The following PTK7 variants were observed in gnomAD, a reference collection of about 807,000 sequenced individuals.
PTK7 encodes protein tyrosine kinase 7 (inactive), also known as inactive tyrosine-protein kinase 7.
In PTK7, 39 loss-of-function variants were observed where a neutral mutation model predicts 116.6. The ratio of observed to expected loss-of-function variants is 0.33; its 90% CI spans 0.26 to 0.44. The LOEUF is 0.44. PTK7 is among the 20% of genes least tolerant of loss of function. The pLI is 1.00. For missense variants in PTK7, 1,169 were observed against 1,425.6 expected (o/e 0.82, Z 2.90); for synonymous variants, 546 against 563.6 (o/e 0.97, Z 0.44).
At chr6:43,150,787 CTTTTTT>C (rs1176963526) in intron 17 of PTK7, among the ~76,000 whole-genome samples, 12 of 60,742 alleles carry the variant, frequency 2.0e-4, no homozygotes, top group African/African-American at 7.7e-4. Flanking sequence ...GTAGACTCAG[CTTTTTT>C]TTTTTTTTTT....
At chr6:43,130,196 C>T (rs535860712) in intron 3 of PTK7, 34 bp from the exon 4 acceptor site, 3 of 1,537,188 alleles carry the variant, frequency 2.0e-6, no homozygotes, top group Admixed American at 1.9e-5. Flanking sequence ...CTGAGTACCC[C>T]TCCCCACCAC....
intron 1 of PTK7, among the ~76,000 whole-genome samples, chr6:43,109,997 C>CTTTTTT (rs35351540): frequency 9.1e-6 from 1 of 109,620 alleles, no homozygotes; most frequent in Non-Finnish European, 1.8e-5. Context: ...CATGCCCGGC[C>CTTTTTT]TTTTTTTTTT....
At position 43,144,434 on chromosome 6, in the gene PTK7, G is replaced by T; in HGVS notation, c.2252-17G>T. ...TGTCAGGTCTCATCGTGACGCTCTT[G>T]TCCTCCTCCTTCCCAGGTGGGCCTT... is the stretch of plus-strand genomic sequence containing the variant. On this transcript the variant is annotated splice_polypyrimidine_tract_variant and intron_variant, in intron 14 of 19. Transcript: ENST00000230419. 1 of 1,614,050 alleles carries T rather than the reference G, an allele frequency of 6.2e-7. No individual in the cohort carries two copies. Among genetic ancestry groups the T allele is most frequent in the Non-Finnish European group, 8.5e-7 (1 of 1,180,020 alleles).
At chr6:43,138,399 C>T (rs982524497) in intron 7 of PTK7, among the ~76,000 whole-genome samples, 6 of 151,974 alleles carry the variant, frequency 3.9e-5, no homozygotes, top group Non-Finnish European at 7.4e-5. Context: ...TGCTGGTGGC[C>T]GGGCGTGGTG....
At chr6:43,085,789 C>T (rs1306129396) in intron 1 of PTK7, among the ~76,000 whole-genome samples, 2 of 151,680 alleles carry the variant, frequency 1.3e-5, no homozygotes, top group African/African-American at 2.4e-5. Flanking sequence ...TAAAATTAGC[C>T]GGGTGTGGTG....
chr6:43,139,473 G>C lies in PTK7; in HGVS notation c.1566G>C (p.Val522=). 1 of 1,614,234 alleles carries C rather than the reference G, an allele frequency of 6.2e-7. No individual in the cohort carries two copies. Among genetic ancestry groups the C allele is most frequent in the Non-Finnish European group, 8.5e-7 (1 of 1,180,044 alleles). ...TGGAGTTTGACAAGGAGGCCACGGT[G>C]CCCTGTTCAGCCACAGGCCGAGAGA... The part of the protein sequence containing the change: ...QCMEFDKEAT[V]PCSATGREKP... Residue 522 remains valine, a synonymous_variant, in exon 10 of 20, where the codon GTG becomes GTC. Coordinates refer to ENST00000230419, the MANE Select transcript of PTK7 (RefSeq NM_002821.5). The surrounding 1 kb of genome is among the most constrained non-coding windows in gnomAD (Gnocchi z 4.6).
At chr6:43,138,702 C>A in intron 7 of PTK7, 147 bp from the exon 8 acceptor site, 1 of 1,167,460 alleles carries the variant, frequency 8.6e-7, no homozygotes, top group African/African-American at 1.5e-5. Context: ...GCACCTGGGT[C>A]TTCCGTAAAG....
intron 1 of PTK7, among the ~76,000 whole-genome samples, chr6:43,099,487 G>A (rs1427042834): frequency 6.6e-6 from 1 of 152,030 alleles, no homozygotes; most frequent in Non-Finnish European, 1.5e-5. Flanking sequence ...TGCCCAAAGT[G>A]ATGGGATTAC....
intron 17 of PTK7, among the ~76,000 whole-genome samples, chr6:43,154,676 G>T (rs1341591207): frequency 6.6e-6 from 1 of 152,206 alleles, no homozygotes; most frequent in African/African-American, 2.4e-5. Context: ...ACTGGCCACT[G>T]CCCAAGAAAA....
At chr6:43,105,088 G>A (rs1420105327) in intron 1 of PTK7, among the ~76,000 whole-genome samples, 1 of 151,450 alleles carries the variant, frequency 6.6e-6, no homozygotes, top group African/African-American at 2.4e-5. Context: ...TGGGATTATA[G>A]GCATGAGCCA....
chr6:43,083,301 G>T (rs1294153041), intron 1 of PTK7, among the ~76,000 whole-genome samples: 2 of 152,222 alleles, frequency 1.3e-5, no homozygotes, highest in African/African-American at 4.8e-5. Flanking sequence ...ACAGTTGCTG[G>T]CACTGGCCCT....
intron 1 of PTK7, among the ~76,000 whole-genome samples, chr6:43,117,663 CCAGTCT>C (rs1006517265): frequency 6.6e-6 from 1 of 151,912 alleles, no homozygotes; most frequent in Non-Finnish European, 1.5e-5. Flanking sequence ...CACGCCAGTC[CCAGTCT>C]GTCCGCCAGG....
chr6:43,094,713 C>T (rs1333734636), intron 1 of PTK7, among the ~76,000 whole-genome samples: 3 of 151,950 alleles, frequency 2.0e-5, no homozygotes, highest in Admixed American at 2.0e-4. Context: ...CTCCTGACCT[C>T]GTCATCCGCC....
intron 1 of PTK7, among the ~76,000 whole-genome samples, chr6:43,106,154 G>A (rs566107010): frequency 6.6e-6 from 1 of 151,770 alleles, no homozygotes; most frequent in East Asian, 1.9e-4. Flanking sequence ...TTGCCTCCTT[G>A]CCCCAAAGTG....
At chr6:43,133,984 C>T (rs765023267) in intron 7 of PTK7, among the ~76,000 whole-genome samples, 3 of 152,210 alleles carry the variant, frequency 2.0e-5, no homozygotes, top group South Asian at 4.1e-4. Flanking sequence ...GCAAGATGCA[C>T]AGTCAAGCCT....
chr6:43,079,432 CTTGGG>C (rs1766240170), intron 1 of PTK7, among the ~76,000 whole-genome samples: 3 of 123,192 alleles, frequency 2.4e-5, no homozygotes, highest in African/African-American at 7.4e-5. Flanking sequence ...TGCACTCCAG[CTTGGG>C]CGAGATCGTG....
intron 7 of PTK7, chr6:43,133,622 A>G (rs1261917025): frequency 6.6e-6 from 1 of 152,194 alleles, no homozygotes; most frequent in Admixed American, 6.5e-5. Context: ...ATAGGGATTT[A>G]TTTGTTTACT....
chr6:43,114,688 G>A (rs985200841), intron 1 of PTK7, among the ~76,000 whole-genome samples: 8 of 152,016 alleles, frequency 5.3e-5, no homozygotes, highest in African/African-American at 7.2e-5. Flanking sequence ...TTTCTCAGCC[G>A]TCCGCGTGTG....
At chr6:43,077,044 G>T in intron 1 of PTK7, 1 of 1,333,554 alleles carries the variant, frequency 7.5e-7, no homozygotes, top group Non-Finnish European at 9.6e-7. Context: ...GCAAAGCGCG[G>T]AGCTTTGTTA....
Sources: allele counts gnomAD v4.1 joint callset (sites outside exome capture counted in the v4.1 genomes callset), GRCh38; gene constraint gnomAD v4.1.1; non-coding constraint Gnocchi (gnomAD v3.1); transcripts MANE v1.5; gene names NCBI Gene and HGNC (gene_info 2026-07-23, HGNC 2026-07-21).